Variants in MAML2 observed in about 807,000 individuals in gnomAD.
MAML2 encodes the protein mastermind-like protein 2.
A neutral mutation model predicts 96.1 loss-of-function variants in MAML2; 22 were observed. The observed-to-expected ratio is 0.23, with a 90% CI of 0.16 to 0.33. The LOEUF (loss-of-function observed/expected upper bound fraction) is 0.33, where lower values mean the gene tolerates loss of function less well. Among genes scored for constraint, MAML2 ranks in the 10% least tolerant of loss-of-function variants. MAML2 has a pLI of 1.00. For synonymous variants in MAML2, 561 were observed against 521.3 expected, an observed-to-expected ratio of 1.08 and a Z score of -1.04; for missense variants, 1,367 against 1,392.4, an observed-to-expected ratio of 0.98 and a Z score of 0.29.
intron 2 of MAML2, among the ~76,000 whole-genome samples, chr11:96,075,979 G>A (rs930318284): frequency 1.3e-5 from 2 of 152,040 alleles, no homozygotes; most frequent in South Asian, 2.1e-4. Context: ...AACCTTGGGT[G>A]GCCCTGCTTT....
chr11:96,342,055 G>A lies in MAML2; in HGVS notation c.-160C>T, dbSNP rs1450180079. The A allele has an allele frequency of 4.6e-6, 3 of 652,980 alleles. No individual in the cohort carries two copies. The highest frequency in any genetic ancestry group is 5.1e-6 in the Non-Finnish European group (2 of 395,954). 40.4% of individuals were successfully genotyped at this position (652,980 alleles called of 1,614,324 possible). On this transcript the variant is annotated 5_prime_UTR_variant, in exon 1 of 5. Transcript: ENST00000524717. ...TGTGGGGGAGCCGTGGAGAAGTTGT[G>A]GGGGAGGGGAGTTAGTAAAAAGAGG...
intron 2 of MAML2, among the ~76,000 whole-genome samples, chr11:96,060,486 C>T (rs538937639): frequency 1.2e-4 from 18 of 151,604 alleles, no homozygotes; most frequent in East Asian, 1.9e-4. Context: ...TTTATGTTAT[C>T]GCCCAGTACA....
intron 3 of MAML2, among the ~76,000 whole-genome samples, chr11:95,990,056 A>T (rs538629660): frequency 1.3e-5 from 2 of 152,244 alleles, no homozygotes; most frequent in South Asian, 4.2e-4. Flanking sequence ...GTCCTTCAAA[A>T]TCAATGTCAA....
intron 3 of MAML2, among the ~76,000 whole-genome samples, chr11:95,986,650 T>C (rs573650605): frequency 7.9e-5 from 12 of 152,280 alleles, no homozygotes; most frequent in African/African-American, 2.9e-4. Context: ...TATTTCCACC[T>C]AAAAAATAAG....
intron 2 of MAML2, among the ~76,000 whole-genome samples, chr11:95,996,954 A>AGTAT (rs1858000885): frequency 6.6e-6 from 1 of 152,076 alleles, no homozygotes; most frequent in South Asian, 2.1e-4. Context: ...GATAGATGAG[A>AGTAT]GTATGTGTGT....
chr11:96,012,352 G>T (rs1360577153), intron 2 of MAML2, among the ~76,000 whole-genome samples: 2 of 152,160 alleles, frequency 1.3e-5, no homozygotes, highest in Non-Finnish European at 2.9e-5. Context: ...GAGAACAAAG[G>T]TTGACAGTGA....
At chr11:96,317,562 G>A (rs1309748257) in intron 1 of MAML2, among the ~76,000 whole-genome samples, 1 of 152,152 alleles carries the variant, frequency 6.6e-6, no homozygotes, top group Non-Finnish European at 1.5e-5. Context: ...TATTCTTTCT[G>A]AGGCTGGAAG....
At chr11:96,091,411 A>G (rs765456817) in intron 2 of MAML2, among the ~76,000 whole-genome samples, 2 of 152,200 alleles carry the variant, frequency 1.3e-5, no homozygotes, top group Non-Finnish European at 2.9e-5. Context: ...CAGGATCATT[A>G]TGATCATTGG....
At position 96,262,858 on chromosome 11, in the gene MAML2, T is replaced by C. The variant is rs12281022; in HGVS notation, c.513+78525A>G. Among the ~76,000 whole-genome samples, 873 of 152,360 alleles carry C rather than the reference T, an allele frequency of 5.7e-3. 8 individuals are homozygous for C. The highest frequency in any genetic ancestry group is 0.02 in the African/African-American group (841 of 41,586). ...CATATTTGCCTGCTTTACTATAATC[T>C]CAGCTTTCTGCACCTTCTGGCTTAT... On this transcript the variant is annotated intron_variant, in intron 1 of 4. Coordinates refer to ENST00000524717, the MANE Select transcript of MAML2 (RefSeq NM_032427.4).
At position 96,113,459 on chromosome 11, in the gene MAML2, C is replaced by A. The variant is rs148568454; in HGVS notation, c.514-19942G>T. 6.5e-3 allele frequency among the ~76,000 whole-genome samples: 986 copies of A among 151,868 alleles called. 4 individuals carry two copies. Among genetic ancestry groups the A allele is most frequent in the Non-Finnish European group, 9.9e-3 (675 of 67,924 alleles). On this transcript the variant is annotated intron_variant, in intron 1 of 4. Transcript: ENST00000524717. Reference sequence around the variant, plus strand: ...CTAAGCCTGATAAAATGATTTACCCCCTCAATTTAACTTTTATTTTAGTCT... The same window carrying A: ...CTAAGCCTGATAAAATGATTTACCCACTCAATTTAACTTTTATTTTAGTCT...
chr11:96,126,003 C>A (rs2135850951), intron 1 of MAML2, among the ~76,000 whole-genome samples: 1 of 152,276 alleles, frequency 6.6e-6, no homozygotes, highest in East Asian at 1.9e-4. Context: ...ACATTCAGAA[C>A]AAGAACTCAG....
intron 1 of MAML2, among the ~76,000 whole-genome samples, chr11:96,298,928 C>T (rs932988927): frequency 1.3e-4 from 19 of 145,736 alleles, no homozygotes; most frequent in Non-Finnish European, 2.3e-4. Context: ...GCCTGTAGTC[C>T]CAGCTACTCG....
At chr11:96,031,424 A>G (rs1215634612) in intron 2 of MAML2, among the ~76,000 whole-genome samples, 1 of 152,208 alleles carries the variant, frequency 6.6e-6, no homozygotes, top group Non-Finnish European at 1.5e-5. Flanking sequence ...AAAGAGAAAA[A>G]CAAATTAGTT....
Position 96,092,704 on chromosome 11 carries a change from G to T in MAML2, c.1327C>A (p.Arg443Ser), listed in dbSNP as rs759499813. 6.2e-7 allele frequency: 1 copy of T among 1,613,996 alleles called. No individual in the cohort carries two copies. ...AQQLKQIAAN[R>S]QQHARMQQHQ... ...TGCTGCATCCGGGCATGCTGCTGAC[G>T]ATTAGCAGCTATCTGTTTGAGCTGC... Residue 443 changes from arginine to serine, a missense_variant, in exon 2 of 5, where the codon CGT (arginine) becomes AGT (serine). Arg to Ser is a moderately radical substitution (Grantham distance 110, BLOSUM62 -1). Coordinates refer to ENST00000524717, the MANE Select transcript of MAML2 (RefSeq NM_032427.4). The surrounding 1 kb of genome is among the most constrained non-coding windows in gnomAD (Gnocchi z 4.1).
At position 96,152,893 on chromosome 11, in the gene MAML2, T is replaced by C. The variant is rs377474453; in HGVS notation, c.514-59376A>G. On this transcript the variant is annotated intron_variant, in intron 1 of 4. Coordinates refer to ENST00000524717, the MANE Select transcript of MAML2 (RefSeq NM_032427.4). Reference sequence around the variant, plus strand: ...AGCCTGCCTGCCAGAATCTCACAGATTGGATGCAAGCAAGGGAAATGCTCC... The same window carrying C: ...AGCCTGCCTGCCAGAATCTCACAGACTGGATGCAAGCAAGGGAAATGCTCC... Among the ~76,000 whole-genome samples, 6 of 152,256 alleles carry C rather than the reference T, an allele frequency of 3.9e-5. No homozygotes were observed. In the East Asian group the frequency reaches 7.7e-4, roughly 20 times the overall value.
In MAML2 at chr11:96,093,492, T is replaced by G; in HGVS notation, c.539A>C (p.Gln180Pro). The G allele has an allele frequency of 6.2e-7, 1 of 1,606,042 alleles. No individual in the cohort carries two copies. Among genetic ancestry groups the G allele is most frequent in the Non-Finnish European group, 8.5e-7 (1 of 1,176,688 alleles). ...GTTGGCAGGAGATAGGTTAACTACCTGTTTTCTTTTCAAGGAACCCTGGAG... is the reference window on the plus strand; with the variant it reads ...GTTGGCAGGAGATAGGTTAACTACCGGTTTTCTTTTCAAGGAACCCTGGAG... ...IALQGSLKRK[Q>P]VVNLSPANSK... Residue 180 changes from glutamine to proline, a missense_variant, in exon 2 of 5, where the codon CAG becomes CCG. Transcript: ENST00000524717.
chr11:96,191,602 G>A (rs187580122), intron 1 of MAML2, among the ~76,000 whole-genome samples: 1 of 151,524 alleles, frequency 6.6e-6, no homozygotes, highest in East Asian at 1.9e-4. Context: ...GTGAAACCTC[G>A]TCTACTAAAA....
chr11:96,113,604 GA>G (rs61518039), intron 1 of MAML2, among the ~76,000 whole-genome samples: 7 of 139,190 alleles, frequency 5.0e-5, no homozygotes, highest in Non-Finnish European at 4.6e-5. Flanking sequence ...CCCGTTGTTT[GA>G]AAAAAAAAAA....
chr11:96,019,326 C>T (rs1254547102), intron 2 of MAML2, among the ~76,000 whole-genome samples: 1 of 151,988 alleles, frequency 6.6e-6, no homozygotes. Flanking sequence ...ATAATAGTGC[C>T]AGTGATAGTC....
Sources: allele counts gnomAD v4.1 joint callset (sites outside exome capture counted in the v4.1 genomes callset), GRCh38; gene constraint gnomAD v4.1.1; non-coding constraint Gnocchi (gnomAD v3.1); transcripts MANE v1.5; gene names NCBI Gene and HGNC (gene_info 2026-07-23, HGNC 2026-07-21).